The following CDC25B variants were observed in gnomAD, a reference collection of about 807,000 sequenced individuals.
CDC25B encodes the protein M-phase inducer phosphatase 2.
Under a neutral mutation model 69.8 loss-of-function variants are expected in CDC25B, and 33 were observed. The ratio of observed to expected loss-of-function variants is 0.47; its 90% CI spans 0.36 to 0.63. The LOEUF (loss-of-function observed/expected upper bound fraction) is 0.63, where lower values mean the gene tolerates loss of function less well. Among genes scored for constraint, CDC25B ranks in the 30% least tolerant of loss-of-function variants. CDC25B has a pLI of 0.00. For synonymous variants in CDC25B, 341 were observed against 314.6 expected, an observed-to-expected ratio of 1.08 and a Z score of -0.89; for missense variants, 727 against 809.1, an observed-to-expected ratio of 0.90 and a Z score of 1.23.
At chr20:3,800,363 A>G (rs2089233338) in intron 4 of CDC25B, 34 bp downstream of exon 4, 1 of 1,613,766 alleles carries the variant, frequency 6.2e-7, no homozygotes, top group Non-Finnish European at 8.5e-7. Context: ...ATCTACCACA[A>G]GCTTTCCCTT....
chr20:3,803,601 G>A lies in CDC25B; in HGVS notation c.1490+64G>A. 1 of 1,605,480 alleles carries A rather than the reference G, an allele frequency of 6.2e-7. No individual in the cohort carries two copies. Among genetic ancestry groups the A allele is most frequent in the Non-Finnish European group, 8.5e-7 (1 of 1,176,008 alleles). Reference sequence around the variant, plus strand: ...TGGCCTTCCCTGCCCAGGCTCACAGGTGCTGGCACCATTGAGATGGCCAGG... The same window carrying A: ...TGGCCTTCCCTGCCCAGGCTCACAGATGCTGGCACCATTGAGATGGCCAGG... On this transcript the variant is annotated intron_variant, in intron 14 of 15. Transcript: ENST00000245960. The surrounding 1 kb of genome is among the most constrained non-coding windows in gnomAD (Gnocchi z 4.9).
At chr20:3,797,840 T>A (rs1324834223) in intron 2 of CDC25B, 91 bp downstream of exon 2, 30 of 1,497,400 alleles carry the variant, frequency 2.0e-5, no homozygotes, top group Non-Finnish European at 2.7e-5. Flanking sequence ...CCGATCAAAC[T>A]AACATCCTCC....
chr20:3,801,267 A>G lies in CDC25B; in HGVS notation c.719A>G (p.Asp240Gly). ...TCATGTGGACAGTGTCTCAGTCCTGACCGGAAGATGGAAGTGGAGGAGCTC... is the reference window on the plus strand; with the variant it reads ...TCATGTGGACAGTGTCTCAGTCCTGGCCGGAAGATGGAAGTGGAGGAGCTC... ...SAPDLMCLSP[D>G]RKMEVEELSP... is the part of the protein sequence containing the mutation. Residue 240 changes from aspartate (D) to glycine (G), a missense_variant, in exon 8 of 16, where the codon GAC (aspartate) becomes GGC (glycine). Physicochemically the swap from Asp to Gly is moderately conservative, Grantham distance 94 (BLOSUM62 -1). Around this residue, in one of 2 missense-constraint regions of CDC25B, gnomAD observed 368 missense variants for 345.6 expected, o/e 1.06. Coordinates refer to ENST00000245960, the MANE Select transcript of CDC25B (RefSeq NM_021873.4). 1.2e-6 allele frequency: 2 copies of G among 1,613,912 alleles called. No homozygotes were observed. The highest frequency in any genetic ancestry group is 2.2e-5 in the South Asian group (2 of 91,042).
chr20:3,803,528 G>A lies in CDC25B; in HGVS notation c.1481G>A (p.Gly494Glu). The change falls in exon 14 of 16, where the codon GGG becomes GAG. Residue 494 changes from glycine to glutamate, a missense_variant. Around this residue, in one of 2 missense-constraint regions of CDC25B, gnomAD observed 359 missense variants for 463.4 expected, o/e 0.77. Coordinates refer to ENST00000245960, the MANE Select transcript of CDC25B (RefSeq NM_021873.4). The surrounding 1 kb of genome is among the most constrained non-coding windows in gnomAD (Gnocchi z 4.9). ...CACTGTGAATTCTCATCTGAGCGTG[G>A]GCCCCGCATGTGAGTCCCAGCTCCG... Reference protein sequence around the residue: ...IFHCEFSSERGPRMCRFIRER... With the variant: ...IFHCEFSSEREPRMCRFIRER... The A allele has an allele frequency of 6.2e-7, 1 of 1,613,980 alleles. No individual in the cohort carries two copies.
Position 3,805,175 on chromosome 20 carries a change from G to T in CDC25B, c.*214G>T. 1.7e-6 allele frequency: 1 copy of T among 587,054 alleles called. No individual in the cohort carries two copies. The highest frequency in any genetic ancestry group is 3.0e-5 in the Admixed American group (1 of 33,586). The allele number at this position is 587,054 out of a possible 1,614,324, so 36.4% of individuals were successfully genotyped here. A position where few individuals can be genotyped will look rare whatever the true frequency, so the allele number is the denominator to read the frequency against. On this transcript the variant is annotated 3_prime_UTR_variant, in exon 16 of 16. Transcript: ENST00000245960. ...TGCCCCCCACCCCTGGAAGAGCCCA[G>T]TCTGTTGAGTTAGTTAAGTTGGGTT... is the stretch of plus-strand genomic sequence containing the variant.
At chr20:3,788,258 T>A (rs2088858457) in intron 1 of CDC25B, among the ~76,000 whole-genome samples, 1 of 152,222 alleles carries the variant, frequency 6.6e-6, no homozygotes, top group African/African-American at 2.4e-5. Context: ...AAAGTGTAAC[T>A]CACTGCTGTT....
chr20:3,799,534 G>GCGCGTGCGCGCGCGCT (rs2089198759), intron 3 of CDC25B, among the ~76,000 whole-genome samples: 1 of 150,892 alleles, frequency 6.6e-6, no homozygotes, highest in African/African-American at 2.5e-5. Flanking sequence ...GTGCGCGCGC[G>GCGCGTGCGCGCGCGCT]CGCGTAGATG....
chr20:3,803,456 G>T lies in CDC25B; in HGVS notation c.1409G>T (p.Ser470Ile), dbSNP rs1275017229. 1.9e-6 allele frequency: 3 copies of T among 1,613,906 alleles called. No homozygotes were observed. The highest frequency in any genetic ancestry group is 2.5e-6 in the Non-Finnish European group (3 of 1,179,970). ...ERDAESFLLK[S>I]PIAPCSLDKR... is the part of the protein sequence containing the mutation. ...GACGCCGAGAGCTTCCTACTGAAGAGCCCCATCGCGCCCTGTAGCCTGGAC... is the reference window on the plus strand; with the variant it reads ...GACGCCGAGAGCTTCCTACTGAAGATCCCCATCGCGCCCTGTAGCCTGGAC... The change falls in exon 14 of 16, where the codon AGC (serine) becomes ATC (isoleucine). Residue 470 changes from serine (S) to isoleucine (I), a missense_variant. Coordinates refer to ENST00000245960, the MANE Select transcript of CDC25B (RefSeq NM_021873.4). This position sits in a 1 kb window ranked among gnomAD's most constrained non-coding sequence, Gnocchi z 4.9.
chr20:3,796,165 G>C, upstream of CDC25B: 1 of 1,140,206 alleles, frequency 8.8e-7, no homozygotes, highest in Non-Finnish European at 1.1e-6. Flanking sequence ...CCAAAGCCTG[G>C]AAATCCAGCC....
rs1319385729 is a variant in CDC25B, at chr20:3,803,595, TCA to T, written c.1490+61_1490+62del. On this transcript the variant is annotated intron_variant, in intron 14 of 15. Coordinates refer to ENST00000245960, the MANE Select transcript of CDC25B (RefSeq NM_021873.4). The surrounding 1 kb of genome is among the most constrained non-coding windows in gnomAD (Gnocchi z 4.9). ...CTGCCCTGGCCTTCCCTGCCCAGGC[TCA>T]CAGGTGCTGGCACCATTGAGATGGC... The T allele has an allele frequency of 8.1e-6, 13 of 1,607,610 alleles. No individual in the cohort carries two copies. Among genetic ancestry groups the T allele is most frequent in the Middle Eastern group, 3.3e-4 (2 of 6,050 alleles).
chr20:3,797,513 A>G (rs1396283756), intron 1 of CDC25B, 109 bp from the exon 2 acceptor site: 1 of 1,374,758 alleles, frequency 7.3e-7, no homozygotes, highest in Non-Finnish European at 1.0e-6. Flanking sequence ...TTCCCGGTGT[A>G]GTGTTTCGCT....
chr20:3,804,949 G>GCAGGACCAGTGAGGGGC lies in CDC25B; in HGVS notation c.1733_*6dup, dbSNP rs1568514296. ...GCCGGCGGGAGCTCTGTAGCCGGCT[G>GCAGGACCAGTGAGGGGC]CAGGACCAGTGAGGGGCCTGCGCCA... On this transcript the variant is annotated stop_gained and frameshift_variant, in exon 16 of 16. Coordinates refer to ENST00000245960, the MANE Select transcript of CDC25B (RefSeq NM_021873.4). LOFTEE classifies it high-confidence loss of function. The GCAGGACCAGTGAGGGGC allele has an allele frequency of 6.2e-7, 1 of 1,612,624 alleles. No homozygotes were observed. Among genetic ancestry groups the GCAGGACCAGTGAGGGGC allele is most frequent in the East Asian group, 2.2e-5 (1 of 44,884 alleles).
At chr20:3,787,092 T>C (rs1243895851) in exon 1 of CDC25B, 1 of 630,320 alleles carries the variant, frequency 1.6e-6, no homozygotes, top group African/African-American at 1.9e-5. Flanking sequence ...ACCTGAAAAA[T>C]TCAAGAAGTT....
intron 1 of CDC25B, among the ~76,000 whole-genome samples, chr20:3,789,516 G>A (rs997027042): frequency 1.3e-5 from 2 of 152,026 alleles, no homozygotes; most frequent in African/African-American, 4.8e-5. Flanking sequence ...GATCACAGGT[G>A]TACACCACCA....
intron 11 of CDC25B, 64 bp from the exon 12 acceptor site, chr20:3,802,846 T>G: frequency 7.4e-7 from 1 of 1,347,740 alleles, no homozygotes; most frequent in Non-Finnish European, 1.1e-6. Flanking sequence ...CTTCATTCTT[T>G]GAGGCTCCTG....
chr20:3,795,685 G>T, upstream of CDC25B: 1 of 985,114 alleles, frequency 1.0e-6, no homozygotes, highest in Non-Finnish European at 1.2e-6. Flanking sequence ...TCCGCTTGGG[G>T]GCCCCACTGC....
intron 1 of CDC25B, chr20:3,787,178 G>C: frequency 1.5e-6 from 1 of 650,766 alleles, no homozygotes; most frequent in Non-Finnish European, 2.7e-6. Context: ...CTTTTCTCTA[G>C]ATGCATGTCG....
chr20:3,804,477 G>A (rs998249385), intron 14 of CDC25B, 92 bp from the exon 15 acceptor site: 28 of 769,452 alleles, frequency 3.6e-5, no homozygotes, highest in Non-Finnish European at 5.7e-5. Flanking sequence ...GCTCCCCAAG[G>A]CCCTCAAAGG....
intron 2 of CDC25B, 88 bp from the exon 3 acceptor site, chr20:3,798,315 GTTTTTTTTT>G: frequency 5.7e-5 from 21 of 371,248 alleles, no homozygotes; most frequent in South Asian, 2.4e-4. Flanking sequence ...ACTAGAAACT[GTTTTTTTTT>G]TTTTTTTTTT....
Sources: allele counts gnomAD v4.1 joint callset (sites outside exome capture counted in the v4.1 genomes callset), GRCh38; gene constraint gnomAD v4.1.1; regional missense constraint gnomAD v4.1.1; non-coding constraint Gnocchi (gnomAD v3.1); transcripts MANE v1.5; gene names NCBI Gene and HGNC (gene_info 2026-07-23, HGNC 2026-07-21).